The following OXA1L variants were observed in gnomAD, a reference collection of about 807,000 sequenced individuals.
OXA1L encodes the protein mitochondrial inner membrane protein OXA1L.
OXA1L carries 42 observed loss-of-function variants against 52.2 expected under a neutral mutation model. That is an observed-to-expected ratio of 0.80 (90% CI 0.63 to 1.04). The LOEUF (loss-of-function observed/expected upper bound fraction) is 1.04. Ranked by LOEUF, OXA1L falls within the 50% of genes least tolerant of loss-of-function variation. OXA1L has a pLI of 0.00. For synonymous variants in OXA1L, 239 were observed against 201.9 expected (o/e 1.18, Z -1.56); for missense variants, 572 against 555.0 (o/e 1.03, Z -0.31).
intron 5 of OXA1L, 60 bp downstream of exon 5, chr14:22,770,338 T>C (rs1305968905): frequency 5.2e-6 from 8 of 1,529,780 alleles, no homozygotes; most frequent in Non-Finnish European, 6.3e-6. Context: ...CCTCTCTGTG[T>C]TTCATGTGTC....
chr14:22,769,269 T>A (rs1225251076), intron 3 of OXA1L, among the ~76,000 whole-genome samples: 1 of 152,212 alleles, frequency 6.6e-6, no homozygotes, highest in Non-Finnish European at 1.5e-5. Context: ...TTGTTTTGAT[T>A]TTTAGATCTC....
intron 2 of OXA1L, 188 bp downstream of exon 2, chr14:22,767,597 A>G (rs1341746863): frequency 5.3e-6 from 3 of 563,454 alleles, no homozygotes; most frequent in Non-Finnish European, 9.2e-6. Context: ...TGAAAGTACA[A>G]CAGGAGAGAT....
Position 22,770,580 on chromosome 14 carries a change from C to T in OXA1L, c.789C>T (p.Tyr263=). 6.2e-7 allele frequency: 1 copy of T among 1,613,822 alleles called. No homozygotes were observed. The highest frequency in any genetic ancestry group is 8.5e-7 in the Non-Finnish European group (1 of 1,179,750). The change falls in exon 6 of 10, where the codon TAC becomes TAT. Residue 263 remains tyrosine, a synonymous_variant. Transcript: ENST00000612549. Reference sequence around the variant, plus strand: ...ATCTCACGGTATCCGATCCCATCTACATATTACCACTGGCAGTCACTGCTA... The same window carrying T: ...ATCTCACGGTATCCGATCCCATCTATATATTACCACTGGCAGTCACTGCTA... ...FQDLTVSDPI[Y]ILPLAVTATM... is the part of the protein sequence containing the mutation.
At chr14:22,770,037 G>T in intron 4 of OXA1L, 103 bp downstream of exon 4, 1 of 1,483,744 alleles carries the variant, frequency 6.7e-7, no homozygotes, top group South Asian at 1.2e-5. Flanking sequence ...TGCCACAGTC[G>T]GGAAAGTTCT....
rs2038448617 is a variant in OXA1L at position 22,770,472 on chromosome 14, C to A, written c.681C>A (p.Phe227Leu). 6.2e-7 allele frequency: 1 copy of A among 1,613,446 alleles called. No homozygotes were observed. Among genetic ancestry groups the A allele is most frequent in the African/African-American group, 1.3e-5 (1 of 74,930 alleles). The change falls in exon 6 of 10, where the codon TTC becomes TTA. Residue 227 changes from phenylalanine (F) to leucine (L), a missense_variant. Physicochemically the swap from Phe to Leu is conservative, Grantham distance 22. Around this residue, in one of 5 missense-constraint regions of OXA1L, gnomAD observed 132 missense variants for 124.0 expected, o/e 1.06. Transcript: ENST00000612549. ...LILPVTQAPI[F>L]ISFFIALREM... ...ATCTTGTGTAATAGGCCCCAATCTT[C>A]ATCTCCTTCTTCATTGCTTTGAGAG...
chr14:22,769,665 C>T (rs903977646), intron 3 of OXA1L, 126 bp from the exon 4 acceptor site: 1 of 982,476 alleles, frequency 1.0e-6, no homozygotes. Flanking sequence ...TTCTGGGCCT[C>T]TTAGGCATGA....
At position 22,766,731 on chromosome 14, in the gene OXA1L, G is replaced by T; in HGVS notation, c.30G>T (p.Arg10=). The part of the protein sequence containing the change: MAMGLMCGR[R]ELLRLLQSGR... ...CGATGGGACTAATGTGCGGACGCCG[G>T]GAGCTTCTGCGCTTGCTACAGTCCG... The change falls in exon 1 of 10, where the codon CGG becomes CGT. Residue 10 remains arginine, a synonymous_variant. Coordinates refer to ENST00000612549, the MANE Select transcript of OXA1L (RefSeq NM_005015.5). 1 of 1,614,258 alleles carries T rather than the reference G, an allele frequency of 6.2e-7. No homozygotes were observed. Among genetic ancestry groups the T allele is most frequent in the South Asian group, 1.1e-5 (1 of 91,092 alleles).
intron 2 of OXA1L, 26 bp from the exon 3 acceptor site, chr14:22,767,932 A>G (rs373398000): frequency 2.3e-4 from 357 of 1,574,758 alleles, no homozygotes; most frequent in Non-Finnish European, 2.9e-4. Flanking sequence ...CTGAATAAAT[A>G]TAATACAAGG....
At position 22,771,604 on chromosome 14, in the gene OXA1L, ACT is replaced by A; in HGVS notation, c.*48_*49del. ...TGGCAGGAATTCTGTCTCTTCAGAG[ACT>A]CATCCTCAAAACAAGACTTGACACT... is the stretch of plus-strand genomic sequence containing the variant. On this transcript the variant is annotated 3_prime_UTR_variant, in exon 10 of 10. Transcript: ENST00000612549. 2 of 1,604,272 alleles carry A rather than the reference ACT, an allele frequency of 1.2e-6. No individual in the cohort carries two copies. Among genetic ancestry groups the A allele is most frequent in the Non-Finnish European group, 1.7e-6 (2 of 1,171,714 alleles).
Position 22,770,590 on chromosome 14 carries a change from C to G in OXA1L, c.799C>G (p.Leu267Val), listed in dbSNP as rs1303836865. 16 of 1,613,506 alleles carry G rather than the reference C, an allele frequency of 9.9e-6. No homozygotes were observed. Among genetic ancestry groups the G allele is most frequent in the Non-Finnish European group, 1.4e-5 (16 of 1,179,514 alleles). Residue 267 changes from leucine to valine, a missense_variant, in exon 6 of 10, where the codon CTG becomes GTG. Leu to Val is a conservative substitution (Grantham distance 32). Transcript: ENST00000612549. ...ATCCGATCCCATCTACATATTACCA[C>G]TGGCAGTCACTGCTACAATGTGGGC... ...TVSDPIYILP[L>V]AVTATMWAVL...
At chr14:22,767,055 C>T (rs765728146) in intron 1 of OXA1L, 193 bp from the exon 2 acceptor site, 133 of 1,536,056 alleles carry the variant, frequency 8.7e-5, no homozygotes, top group Middle Eastern at 1.7e-4. Context: ...AACCCAGGTT[C>T]GAGCTTCGCT....
At chr14:22,766,834 G>A in intron 1 of OXA1L, 70 bp downstream of exon 1, 3 of 1,595,194 alleles carry the variant, frequency 1.9e-6, no homozygotes, top group Admixed American at 1.7e-5. Flanking sequence ...AGGACAGCTC[G>A]TGCTAGGGGT....
Position 22,771,564 on chromosome 14 carries a change from G to GTT in OXA1L, c.*7_*8dup, listed in dbSNP as rs2038465713. ...GGCACGACACACTTGGCTGACTTAT[G>GTT]TTCTGTGCGCATTCTGGCAGGAATT... On this transcript the variant is annotated 3_prime_UTR_variant, in exon 10 of 10. Transcript: ENST00000612549. The GTT allele has an allele frequency of 6.2e-7, 1 of 1,614,042 alleles. No individual in the cohort carries two copies. The highest frequency in any genetic ancestry group is 1.3e-5 in the African/African-American group (1 of 74,930).
At position 22,771,162 on chromosome 14, in the gene OXA1L, C is replaced by G; in HGVS notation, c.1084C>G (p.Leu362Val). The G allele has an allele frequency of 5.0e-6, 8 of 1,613,970 alleles. No individual in the cohort carries two copies. Among genetic ancestry groups the G allele is most frequent in the Non-Finnish European group, 6.8e-6 (8 of 1,179,924 alleles). Residue 362 changes from leucine (L) to valine (V), a missense_variant, in exon 8 of 10, where the codon CTA (leucine) becomes GTA (valine). Coordinates refer to ENST00000612549, the MANE Select transcript of OXA1L (RefSeq NM_005015.5). ...LDKLPPREGF[L>V]ESFKKGWKNA... ...CAAATTACCTCCACGGGAAGGCTTC[C>G]TAGAGAGCTTCAAAAAAGGTAAGGG...
In OXA1L at chr14:22,771,738, G is replaced by A. The variant is rs2139377322; in HGVS notation, c.*180G>A. 2 of 654,902 alleles carry A rather than the reference G, an allele frequency of 3.1e-6. No homozygotes were observed. Among genetic ancestry groups the A allele is most frequent in the Non-Finnish European group, 5.3e-6 (2 of 378,788 alleles). The allele number at this position is 654,902 out of a possible 1,614,324, so 40.6% of individuals were successfully genotyped here. On this transcript the variant is annotated 3_prime_UTR_variant, in exon 10 of 10. Coordinates refer to ENST00000612549, the MANE Select transcript of OXA1L (RefSeq NM_005015.5). The stretch of plus-strand genomic sequence containing the variant: ...TATGTTTATAAGAGAGCACTGGGTA[G>A]CCAAGTGATCTTCCCATTCACAGAG...
chr14:22,767,720 A>G (rs1340590733), intron 2 of OXA1L: 7 of 500,766 alleles, frequency 1.4e-5, no homozygotes, highest in African/African-American at 3.8e-5. Flanking sequence ...AACAGTGATA[A>G]AAGAAATAAC....
In OXA1L at chr14:22,771,089, A is replaced by C. The variant is rs1594939241; in HGVS notation, c.1011A>C (p.Ala337=). 1 of 1,614,178 alleles carries C rather than the reference A, an allele frequency of 6.2e-7. No individual in the cohort carries two copies. The highest frequency in any genetic ancestry group is 8.5e-7 in the Non-Finnish European group (1 of 1,179,998). ...LVQVSCLRIP[A]VRTVLKIPQR... is the part of the protein sequence containing the mutation. ...AAGTATCCTGTCTCCGGATTCCAGC[A>C]GTACGCACTGTACTTAAAATCCCCC... is the stretch of plus-strand genomic sequence containing the variant. Residue 337 remains alanine (A), a synonymous_variant, in exon 8 of 10, where the codon GCA becomes GCC. Coordinates refer to ENST00000612549, the MANE Select transcript of OXA1L (RefSeq NM_005015.5).
chr14:22,768,152 G>T lies in OXA1L; in HGVS notation c.420G>T (p.Trp140Cys). ...TGCATGTTGATCTGGGCCTACCTTG[G>T]TGGGGGGCCATTGCTGCATGTAAGG... ...EFMHVDLGLP[W>C]WGAIAACTVF... The change falls in exon 3 of 10, where the codon TGG becomes TGT. Residue 140 changes from tryptophan to cysteine, a missense_variant. This residue lies in a region of OXA1L where 132 missense variants were observed against 124.0 expected (regional missense o/e 1.06). Transcript: ENST00000612549. 3.7e-6 allele frequency: 6 copies of T among 1,614,002 alleles called. No individual in the cohort carries two copies. Among genetic ancestry groups the T allele is most frequent in the Non-Finnish European group, 5.1e-6 (6 of 1,179,860 alleles).
intron 9 of OXA1L, 39 bp downstream of exon 9, chr14:22,771,387 C>T (rs1566435497): frequency 1.2e-6 from 2 of 1,613,866 alleles, no homozygotes; most frequent in African/African-American, 1.3e-5. Flanking sequence ...TCTTTTGTTT[C>T]TTCCTTTCTG....
Sources: allele counts gnomAD v4.1 joint callset (sites outside exome capture counted in the v4.1 genomes callset), GRCh38; gene constraint gnomAD v4.1.1; regional missense constraint gnomAD v4.1.1; transcripts MANE v1.5; gene names NCBI Gene and HGNC (gene_info 2026-07-23, HGNC 2026-07-21).